Variants in ICE1 observed in about 807,000 individuals in gnomAD.
ICE1 encodes the protein interactor of little elongation complex ELL subunit 1.
Under a neutral mutation model 192.7 loss-of-function variants are expected in ICE1, and 64 were observed. The observed-to-expected ratio is 0.33, with a 90% CI of 0.27 to 0.41. ICE1 has a LOEUF of 0.41. ICE1 is among the 10% of genes least tolerant of loss of function. The probability of loss-of-function intolerance (pLI) is 1.00; values close to 1 mark genes in which losing one functional copy is unlikely to be tolerated. For missense variants in ICE1, 2,708 were observed against 2,696.0 expected (o/e 1.00, Z -0.10); for synonymous variants, 1,010 against 984.5 (o/e 1.03, Z -0.49).
At chr5:5,433,373 A>G (rs1324723340) in intron 1 of ICE1, among the ~76,000 whole-genome samples, 1 of 152,116 alleles carries the variant, frequency 6.6e-6, no homozygotes, top group Non-Finnish European at 1.5e-5. Flanking sequence ...TCTCAAAAGA[A>G]TCCATGTTAC....
At chr5:5,465,314 C>G (rs1579569049) in intron 13 of ICE1, 88 bp downstream of exon 13, 15 of 885,992 alleles carry the variant, frequency 1.7e-5, no homozygotes, top group Non-Finnish European at 2.4e-5. Context: ...GTGTAGATGA[C>G]CATGAACAAA....
chr5:5,482,388 C>A (rs762457025), intron 17 of ICE1, among the ~76,000 whole-genome samples: 5 of 152,138 alleles, frequency 3.3e-5, no homozygotes, highest in Non-Finnish European at 7.4e-5. Context: ...TACTAAAATG[C>A]TTATAAACAT....
intron 1 of ICE1, among the ~76,000 whole-genome samples, chr5:5,434,311 TAGTC>T (rs1321938469): frequency 3.3e-5 from 5 of 152,272 alleles, no homozygotes; most frequent in South Asian, 2.1e-4. Flanking sequence ...GCTGAAGCCT[TAGTC>T]AGTTCAGGAA....
At chr5:5,449,254 C>T (rs2578553) in intron 10 of ICE1, among the ~76,000 whole-genome samples, 68,023 of 151,838 alleles carry the variant, frequency 0.45, 16,116 homozygotes, top group East Asian at 0.63. Flanking sequence ...CATAAAGTTT[C>T]TGGGAATCTG....
Position 5,464,052 on chromosome 5 carries a change from C to T in ICE1, c.4718C>T (p.Ser1573Leu), listed in dbSNP as rs776156100. 21 of 1,613,490 alleles carry T rather than the reference C, an allele frequency of 1.3e-5. No homozygotes were observed. Among genetic ancestry groups the T allele is most frequent in the Admixed American group, 1.7e-5 (1 of 59,994 alleles). Reference sequence around the variant, plus strand: ...AACAAACCAGTAAAAACTTCAGCGTCGAGCAGAGTTGAAACTCATCAGAGT... The same window carrying T: ...AACAAACCAGTAAAAACTTCAGCGTTGAGCAGAGTTGAAACTCATCAGAGT... ...QSNKPVKTSA[S>L]SRVETHQSEV... Residue 1573 changes from serine to leucine, a missense_variant, in exon 13 of 19, where the codon TCG becomes TTG. Ser to Leu is a moderately radical substitution (Grantham distance 145, BLOSUM62 -2). This residue lies in a region of ICE1 where 2,366 missense variants were observed against 2,276.6 expected (regional missense o/e 1.04). Coordinates refer to ENST00000296564, the MANE Select transcript of ICE1 (RefSeq NM_015325.3). The surrounding 1 kb of genome is among the most constrained non-coding windows in gnomAD (Gnocchi z 4.0).
intron 7 of ICE1, 32 bp downstream of exon 7, chr5:5,444,358 G>T (rs768873010): frequency 1.6e-5 from 25 of 1,518,600 alleles, no homozygotes. Flanking sequence ...TGAAGTTTTC[G>T]GTCAGTACAA....
intron 15 of ICE1, among the ~76,000 whole-genome samples, chr5:5,473,035 G>A (rs1277847966): frequency 6.6e-6 from 1 of 152,126 alleles, no homozygotes; most frequent in Non-Finnish European, 1.5e-5. Flanking sequence ...TTACTCAGCA[G>A]TAAAAAGAAG....
chr5:5,440,030 C>A, intron 4 of ICE1, 117 bp downstream of exon 4: 3 of 555,194 alleles, frequency 5.4e-6, no homozygotes, highest in South Asian at 6.1e-5. Context: ...TAGGATTACT[C>A]ATAATATAGA....
chr5:5,449,370 G>A (rs1738345486), intron 10 of ICE1, among the ~76,000 whole-genome samples: 1 of 151,484 alleles, frequency 6.6e-6, no homozygotes, highest in African/African-American at 2.4e-5. Flanking sequence ...AAGCACCAGA[G>A]TATTAGGTTG....
At position 5,461,148 on chromosome 5, in the gene ICE1, G is replaced by T; in HGVS notation, c.1814G>T (p.Gly605Val). 6.2e-7 allele frequency: 1 copy of T among 1,613,988 alleles called. No individual in the cohort carries two copies. The highest frequency in any genetic ancestry group is 1.1e-5 in the South Asian group (1 of 91,086). The change falls in exon 13 of 19, where the codon GGA becomes GTA. Residue 605 changes from glycine to valine, a missense_variant. By Grantham distance (109) the Gly-to-Val change is moderately radical. Around this residue, in one of 2 missense-constraint regions of ICE1, gnomAD observed 2,366 missense variants for 2,276.6 expected, o/e 1.04. Transcript: ENST00000296564. Reference protein sequence around the residue: ...EKEDTQGFTLGESPESEDDDS... With the variant: ...EKEDTQGFTLVESPESEDDDS... Reference sequence around the variant, plus strand: ...GAAGATACTCAAGGGTTCACTTTAGGAGAATCACCTGAATCAGAAGATGAT... The same window carrying T: ...GAAGATACTCAAGGGTTCACTTTAGTAGAATCACCTGAATCAGAAGATGAT...
chr5:5,458,340 C>T (rs1738647973), intron 12 of ICE1, among the ~76,000 whole-genome samples: 1 of 152,106 alleles, frequency 6.6e-6, no homozygotes, highest in African/African-American at 2.4e-5. Context: ...AGGCTAGACA[C>T]TGGGTGTGCA....
Position 5,436,465 on chromosome 5 carries a change from T to C in ICE1, c.132T>C (p.Ile44=). 6.7e-7 allele frequency: 1 copy of C among 1,483,530 alleles called. No homozygotes were observed. Among genetic ancestry groups the C allele is most frequent in the Admixed American group, 2.4e-5 (1 of 41,564 alleles). 91.9% of individuals were successfully genotyped at this position (1,483,530 alleles called of 1,614,324 possible). A position where few individuals can be genotyped will look rare whatever the true frequency, so the allele number is the denominator to read the frequency against. ...CATTAATTACCTTGAAACAAAAAAT[T>C]ATCAATACAGAGTAAGTATATTTGC... ...VEALITLKQK[I]INTDNLLTEY... Residue 44 remains isoleucine, a synonymous_variant, in exon 2 of 19, where the codon ATT becomes ATC. Transcript: ENST00000296564.
At chr5:5,476,137 T>TGGGGGTTGATATCTTGGTGGAAGGCTG (rs1739298713) in intron 17 of ICE1, 58 bp downstream of exon 17, 2 of 840,360 alleles carry the variant, frequency 2.4e-6, no homozygotes, top group African/African-American at 3.6e-5. Context: ...GGTGGAAGGC[T>TGGGGGTTGATATCTTGGTGGAAGGCTG]GGGGGGTTAA....
At position 5,466,423 on chromosome 5, in the gene ICE1, C is replaced by T. The variant is rs1257132407; in HGVS notation, c.5982C>T (p.Cys1994=). 6.2e-7 allele frequency: 1 copy of T among 1,613,338 alleles called. No individual in the cohort carries two copies. The highest frequency in any genetic ancestry group is 1.1e-5 in the South Asian group (1 of 90,992). Residue 1994 remains cysteine, a synonymous_variant, in exon 14 of 19, where the codon TGC becomes TGT. Coordinates refer to ENST00000296564, the MANE Select transcript of ICE1 (RefSeq NM_015325.3). Reference sequence around the variant, plus strand: ...ACCACAATTACATTCACGCCCTCTGCAGGGTGTATGTGGGTATTTGTCGGC... The same window carrying T: ...ACCACAATTACATTCACGCCCTCTGTAGGGTGTATGTGGGTATTTGTCGGC... ...SMDHNYIHAL[C]RVYVGICRQL...
At chr5:5,484,413 G>C (rs1389560653) in intron 17 of ICE1, among the ~76,000 whole-genome samples, 2 of 152,176 alleles carry the variant, frequency 1.3e-5, no homozygotes, top group Non-Finnish European at 2.9e-5. Context: ...TCTGCTGTTA[G>C]TCATACAGTT....
At chr5:5,430,852 A>G (rs1411805055) in intron 1 of ICE1, among the ~76,000 whole-genome samples, 2 of 152,194 alleles carry the variant, frequency 1.3e-5, no homozygotes, top group Non-Finnish European at 2.9e-5. Context: ...TTTCCCTGAT[A>G]ATGATTGTAT....
intron 8 of ICE1, 102 bp downstream of exon 8, chr5:5,447,611 C>T (rs901487225): frequency 7.3e-7 from 1 of 1,360,802 alleles, no homozygotes; most frequent in South Asian, 1.3e-5. Flanking sequence ...ATGAGGCCCC[C>T]TGGCAAAAAC....
chr5:5,488,094 ATTTG>A (rs1466742111), intron 18 of ICE1, among the ~76,000 whole-genome samples: 2 of 151,896 alleles, frequency 1.3e-5, no homozygotes, highest in Non-Finnish European at 2.9e-5. Flanking sequence ...ACACTTTTTT[ATTTG>A]TTTGAGTCAT....
chr5:5,431,770 A>G (rs758443261), intron 1 of ICE1, among the ~76,000 whole-genome samples: 4 of 151,998 alleles, frequency 2.6e-5, no homozygotes, highest in Admixed American at 1.3e-4. Flanking sequence ...ATTGAAGTCC[A>G]TATTCCAGGC....
Sources: gnomAD v4.1 joint callset for allele counts (sites outside exome capture counted in the v4.1 genomes callset) on GRCh38, gnomAD v4.1.1 for gene constraint, gnomAD v4.1.1 regional missense constraint, Gnocchi (gnomAD v3.1) non-coding constraint, MANE v1.5 for transcripts, NCBI Gene and HGNC (gene_info 2026-07-23, HGNC 2026-07-21) for gene names.